Variants in PLPP3 observed in about 807,000 individuals in gnomAD.
PLPP3 encodes the protein PAP2 beta.
A neutral mutation model predicts 29.6 loss-of-function variants in PLPP3; 6 were observed. That is an observed-to-expected ratio of 0.20 (90% CI 0.11 to 0.40). The LOEUF is 0.40. PLPP3 is among the 10% of genes least tolerant of loss of function. The pLI is 1.00. For synonymous variants in PLPP3, 152 were observed against 159.7 expected, an observed-to-expected ratio of 0.95 and a Z score of 0.36; for missense variants, 308 against 407.7, an observed-to-expected ratio of 0.76 and a Z score of 2.11.
intron 5 of PLPP3, among the ~76,000 whole-genome samples, chr1:56,507,021 G>T (rs1645706571): frequency 6.6e-6 from 1 of 152,196 alleles, no homozygotes; most frequent in African/African-American, 2.4e-5. Context: ...GTCTGTGCTG[G>T]CTTCCATTGT....
intron 4 of PLPP3, among the ~76,000 whole-genome samples, chr1:56,519,988 C>T (rs1645808149): frequency 6.6e-6 from 1 of 152,074 alleles, no homozygotes; most frequent in Non-Finnish European, 1.5e-5. Context: ...TCTCTGAACT[C>T]GATGGTAATG....
chr1:56,497,105 C>A (rs1645635735), intron 5 of PLPP3, among the ~76,000 whole-genome samples: 1 of 152,236 alleles, frequency 6.6e-6, no homozygotes, highest in Non-Finnish European at 1.5e-5. Flanking sequence ...AAAAGATCAG[C>A]CAACATGAAC....
At chr1:56,564,570 G>A (rs2100300856) in intron 1 of PLPP3, among the ~76,000 whole-genome samples, 1 of 152,252 alleles carries the variant, frequency 6.6e-6, no homozygotes, top group Non-Finnish European at 1.5e-5. Flanking sequence ...ACAAATTTAT[G>A]GCAAAATCAT....
intron 5 of PLPP3, among the ~76,000 whole-genome samples, chr1:56,504,463 C>A (rs1344429221): frequency 1.3e-5 from 2 of 152,096 alleles, no homozygotes; most frequent in East Asian, 3.9e-4. Flanking sequence ...GGAGCTGGAG[C>A]TTAGGAACAT....
At chr1:56,532,952 T>C (rs1006675750) in intron 2 of PLPP3, among the ~76,000 whole-genome samples, 2 of 152,108 alleles carry the variant, frequency 1.3e-5, no homozygotes, top group African/African-American at 2.4e-5. Context: ...AGGAGACAGC[T>C]ACGGAATGCT....
Position 56,512,004 on chromosome 1 carries a change from G to A in PLPP3, c.782C>T (p.Ala261Val), listed in dbSNP as rs141276133. The A allele has an allele frequency of 3.3e-5, 54 of 1,613,288 alleles. No homozygotes were observed. The highest frequency in any genetic ancestry group is 4.2e-5 in the Non-Finnish European group (50 of 1,179,754). Residue 261 changes from alanine to valine, a missense_variant, in exon 5 of 6, where the codon GCT becomes GTT. Around this residue, in one of 3 missense-constraint regions of PLPP3, gnomAD observed 232 missense variants for 317.2 expected, o/e 0.73. Transcript: ENST00000371250. ...HHPSDVLAGF[A>V]QGALVACCIV... ...GCAGCAGGCCACCAGGGCTCCTTGA[G>A]CAAATCCTGCCAGAACATCACTGGG...
At chr1:56,557,009 AGAGAG>A (rs1646083447) in intron 1 of PLPP3, among the ~76,000 whole-genome samples, 2 of 7,304 alleles carry the variant, frequency 2.7e-4, no homozygotes, top group African/African-American at 6.9e-4. Context: ...AAAGAAAGAA[AGAGAG>A]AGAGAGAGAG....
Position 56,511,893 on chromosome 1 carries a change from T to C in PLPP3, c.810+83A>G, listed in dbSNP as rs879719730. 6 of 1,552,050 alleles carry C rather than the reference T, an allele frequency of 3.9e-6. No individual in the cohort carries two copies. In the Admixed American group the frequency reaches 1.0e-4, roughly 27 times the overall value. On this transcript the variant is annotated intron_variant, in intron 5 of 5. Transcript: ENST00000371250. ...GCAGAGGACAGGAACGAGGGCTCTC[T>C]AGCTTTAGTCACTGAGCTGGAAACA...
rs759896266 is a variant in PLPP3 at position 56,579,006 on chromosome 1, T to C, written c.11A>G (p.Tyr4Cys). 7 of 1,597,892 alleles carry C rather than the reference T, an allele frequency of 4.4e-6. No individual in the cohort carries two copies. Among genetic ancestry groups the C allele is most frequent in the African/African-American group, 2.8e-5 (2 of 72,644 alleles). Residue 4 changes from tyrosine to cysteine, a missense_variant, in exon 1 of 6, where the codon TAC becomes TGC. Tyr to Cys is a radical substitution (Grantham distance 194, BLOSUM62 -2). Transcript: ENST00000371250. ...CGGGACGATCGCTTTGTCGTACTTG[T>C]AGTTTTGCATGGCGCTGGCTGCGGC... MQNYKYDKAIVPES... is the reference protein window; with the variant it reads MQNCKYDKAIVPES...
At chr1:56,554,752 T>C (rs774098742) in intron 1 of PLPP3, among the ~76,000 whole-genome samples, 4 of 152,134 alleles carry the variant, frequency 2.6e-5, no homozygotes, top group Non-Finnish European at 4.4e-5. Flanking sequence ...GGAAACAGCC[T>C]ATGTAGAGTT....
chr1:56,555,355 G>A (rs1646067573), intron 1 of PLPP3, among the ~76,000 whole-genome samples: 1 of 145,588 alleles, frequency 6.9e-6, no homozygotes. Context: ...TACTGGTTCT[G>A]GCCTTCCCTA....
chr1:56,551,384 C>G (rs56152906), intron 1 of PLPP3, among the ~76,000 whole-genome samples: 46,259 of 150,478 alleles, frequency 0.31, 7,306 homozygotes, highest in South Asian at 0.4. Flanking sequence ...CTGCCAAGTC[C>G]TGGCAGTGTG....
intron 4 of PLPP3, among the ~76,000 whole-genome samples, chr1:56,520,385 G>C (rs780509316): frequency 4.6e-5 from 7 of 152,138 alleles, no homozygotes; most frequent in Non-Finnish European, 8.8e-5. Context: ...TGAATCACAG[G>C]CTGCATGAAC....
At chr1:56,497,809 T>G (rs943065715) in intron 5 of PLPP3, among the ~76,000 whole-genome samples, 9 of 152,178 alleles carry the variant, frequency 5.9e-5, no homozygotes, top group African/African-American at 2.2e-4. Context: ...TTGAATTATT[T>G]GTTAAACTCA....
chr1:56,534,102 T>C (rs1479701619), intron 2 of PLPP3, among the ~76,000 whole-genome samples: 2 of 152,184 alleles, frequency 1.3e-5, no homozygotes, highest in African/African-American at 4.8e-5. Flanking sequence ...CCATTTTAAA[T>C]CTTTGCCCAT....
At chr1:56,533,797 A>G (rs781373659) in intron 2 of PLPP3, among the ~76,000 whole-genome samples, 9 of 152,348 alleles carry the variant, frequency 5.9e-5, no homozygotes, top group Admixed American at 1.3e-4. Flanking sequence ...AAGGGGCCCA[A>G]TGGCTCTTCT....
At chr1:56,520,858 C>T (rs1454095851) in intron 4 of PLPP3, among the ~76,000 whole-genome samples, 2 of 138,640 alleles carry the variant, frequency 1.4e-5, no homozygotes, top group Non-Finnish European at 3.0e-5. Context: ...TTGCAGTGAG[C>T]CGAGATTGCA....
At chr1:56,534,582 C>T (rs188373604) in intron 2 of PLPP3, among the ~76,000 whole-genome samples, 5 of 152,290 alleles carry the variant, frequency 3.3e-5, no homozygotes, top group African/African-American at 4.8e-5. Context: ...CCACCCTCCA[C>T]GTCTGTCACT....
chr1:56,538,673 C>T, intron 1 of PLPP3: 1 of 271,984 alleles, frequency 3.7e-6, no homozygotes, highest in South Asian at 5.0e-5. Context: ...GCCGTTGGTA[C>T]TGTTGTAAAC....
Sources: gnomAD v4.1 joint callset for allele counts (sites outside exome capture counted in the v4.1 genomes callset) on GRCh38, gnomAD v4.1.1 for gene constraint, gnomAD v4.1.1 regional missense constraint, MANE v1.5 for transcripts, NCBI Gene and HGNC (gene_info 2026-07-23, HGNC 2026-07-21) for gene names.